The following KAZN variants were observed in gnomAD, a reference collection of about 807,000 sequenced individuals.
The protein encoded by KAZN is kazrin, periplakin interacting protein.
A neutral mutation model predicts 87.4 loss-of-function variants in KAZN; 40 were observed. The observed-to-expected ratio is 0.46, with a 90% confidence interval of 0.36 to 0.60. The LOEUF is 0.60. Among genes scored for constraint, KAZN ranks in the 20% least tolerant of loss-of-function variants. KAZN has a pLI of 0.00. For synonymous variants in KAZN, 466 were observed against 458.3 expected (o/e 1.02, Z -0.22); for missense variants, 898 against 1,073.9 (o/e 0.84, Z 2.29).
intron 2 of KAZN, among the ~76,000 whole-genome samples, chr1:15,030,201 G>A (rs1440912791): frequency 5.3e-5 from 8 of 152,290 alleles, no homozygotes; most frequent in Non-Finnish European, 1.2e-4. Flanking sequence ...CAGCGACAGC[G>A]GGGCCCCGGC....
chr1:14,475,077 AGATG>A (rs1237810111), intron 2 of KAZN, among the ~76,000 whole-genome samples: 1 of 152,046 alleles, frequency 6.6e-6, no homozygotes, highest in Non-Finnish European at 1.5e-5. Flanking sequence ...GATGAATGGT[AGATG>A]GATATTGGAT....
chr1:14,651,345 A>G (rs1638363028), intron 1 of KAZN, among the ~76,000 whole-genome samples: 1 of 152,124 alleles, frequency 6.6e-6, no homozygotes, highest in African/African-American at 2.4e-5. Context: ...GGATCTCTAT[A>G]CCTGTGAGTT....
At chr1:14,238,322 C>G (rs1648611109) in intron 2 of KAZN, among the ~76,000 whole-genome samples, 1 of 152,122 alleles carries the variant, frequency 6.6e-6, no homozygotes. Context: ...GGTGATGGGA[C>G]CAAATGAGAA....
At chr1:14,966,963 C>T (rs1327877510) in intron 2 of KAZN, among the ~76,000 whole-genome samples, 1 of 152,194 alleles carries the variant, frequency 6.6e-6, no homozygotes, top group East Asian at 1.9e-4. Context: ...GCCACTGCAC[C>T]CGGCCCCCGC....
At chr1:14,396,268 A>G (rs1449694124) in intron 2 of KAZN, among the ~76,000 whole-genome samples, 1 of 152,108 alleles carries the variant, frequency 6.6e-6, no homozygotes, top group Non-Finnish European at 1.5e-5. Flanking sequence ...AGATATCTAC[A>G]AACAAAAGAT....
intron 1 of KAZN, among the ~76,000 whole-genome samples, chr1:14,140,896 G>A (rs1006229905): frequency 1.3e-5 from 2 of 152,114 alleles, no homozygotes; most frequent in Non-Finnish European, 1.5e-5. Flanking sequence ...CTTGGCAGGC[G>A]GCAGAGGAGA....
At chr1:15,032,545 C>G (rs1212974244) in intron 2 of KAZN, among the ~76,000 whole-genome samples, 1 of 152,090 alleles carries the variant, frequency 6.6e-6, no homozygotes. Flanking sequence ...AGTGGCTGGC[C>G]TTTTCCCTTA....
chr1:14,189,970 G>A (rs960317940), intron 2 of KAZN, among the ~76,000 whole-genome samples: 3 of 152,246 alleles, frequency 2.0e-5, no homozygotes, highest in African/African-American at 7.2e-5. Context: ...GGCACGAACT[G>A]TGTTCTTATA....
intron 4 of KAZN, among the ~76,000 whole-genome samples, chr1:15,054,299 T>C (rs1674708645): frequency 6.6e-6 from 1 of 152,092 alleles, no homozygotes; most frequent in Non-Finnish European, 1.5e-5. Context: ...AAAACCTCAG[T>C]GCAGGGGACC....
intron 1 of KAZN, among the ~76,000 whole-genome samples, chr1:13,939,002 C>T (rs948986617): frequency 1.3e-5 from 2 of 152,218 alleles, no homozygotes; most frequent in Non-Finnish European, 1.5e-5. Context: ...TCCTCCTAGG[C>T]CTCTGCCTTG....
At chr1:14,547,211 A>G (rs1035793559) in intron 2 of KAZN, among the ~76,000 whole-genome samples, 2 of 152,176 alleles carry the variant, frequency 1.3e-5, no homozygotes, top group Non-Finnish European at 2.9e-5. Context: ...TGACCTTCTC[A>G]ATGCAAGCTA....
chr1:14,846,387 C>CA lies in KAZN; in HGVS notation c.227-114290dup, dbSNP rs376641636. On this transcript the variant is annotated intron_variant, in intron 1 of 14. Transcript: ENST00000376030. ...AGTGTTCCTAGGCCACAAGAGAGAACAAAAAAAGGAAGGGAACCATAACAG... is the reference window on the plus strand; with the variant it reads ...AGTGTTCCTAGGCCACAAGAGAGAACAAAAAAAAGGAAGGGAACCATAACAG... Among the ~76,000 whole-genome samples, 18 of 151,502 alleles carry CA rather than the reference C, an allele frequency of 1.2e-4. No homozygotes were observed. In the East Asian group the frequency reaches 3.5e-3, roughly 29 times the overall value.
intron 2 of KAZN, among the ~76,000 whole-genome samples, chr1:14,204,444 C>T (rs1646698555): frequency 1.3e-5 from 2 of 152,132 alleles, no homozygotes; most frequent in Non-Finnish European, 2.9e-5. Flanking sequence ...CTGCTAATGT[C>T]TTTACTTTAA....
chr1:14,702,877 A>T (rs191829343), intron 1 of KAZN, among the ~76,000 whole-genome samples: 321 of 152,346 alleles, frequency 2.1e-3, no homozygotes, highest in Non-Finnish European at 3.7e-3. Context: ...ACAGGAATTA[A>T]TACCTGAGAT....
intron 2 of KAZN, among the ~76,000 whole-genome samples, chr1:14,238,171 C>T (rs1480051370): frequency 6.6e-6 from 1 of 152,118 alleles, no homozygotes; most frequent in African/African-American, 2.4e-5. Context: ...CCTTGTAAGG[C>T]CATTTTTGAG....
At chr1:14,248,540 A>G (rs550654974) in intron 2 of KAZN, among the ~76,000 whole-genome samples, 1 of 152,364 alleles carries the variant, frequency 6.6e-6, no homozygotes, top group South Asian at 2.1e-4. Context: ...AAGCTGGGAA[A>G]TGCTTCTCAT....
At position 14,871,160 on chromosome 1, in the gene KAZN, A is replaced by G. The variant is rs545565762; in HGVS notation, c.227-89524A>G. On this transcript the variant is annotated intron_variant, in intron 1 of 14. Coordinates refer to ENST00000376030, the MANE Select transcript of KAZN (RefSeq NM_201628.3). Reference sequence around the variant, plus strand: ...GACCCTCCACCACCACACGGCACCTATGTGCCCTCTTTAGTCCTGCACCTC... The same window carrying G: ...GACCCTCCACCACCACACGGCACCTGTGTGCCCTCTTTAGTCCTGCACCTC... Among the ~76,000 whole-genome samples the G allele has an allele frequency of 6.6e-5, 10 of 152,292 alleles. No individual in the cohort carries two copies. The South Asian group carries it at 1.9e-3, about 28-fold the overall frequency.
At chr1:14,018,948 C>G (rs1281141598) in intron 1 of KAZN, among the ~76,000 whole-genome samples, 1 of 152,168 alleles carries the variant, frequency 6.6e-6, no homozygotes, top group Non-Finnish European at 1.5e-5. Context: ...TCTCAGCCTC[C>G]ATTATCACAT....
chr1:14,371,002 A>G (rs1339562182), intron 2 of KAZN, among the ~76,000 whole-genome samples: 3 of 152,162 alleles, frequency 2.0e-5, no homozygotes, highest in Admixed American at 6.5e-5. Flanking sequence ...CGTATCTTCT[A>G]TAAGACATAA....
Sources: gnomAD v4.1 joint callset for allele counts (sites outside exome capture counted in the v4.1 genomes callset) on GRCh38, gnomAD v4.1.1 for gene constraint, MANE v1.5 for transcripts, NCBI Gene and HGNC (gene_info 2026-07-23, HGNC 2026-07-21) for gene names.